NARF: variants seen among roughly 807,000 people sequenced by gnomAD.
The protein encoded by NARF is nuclear prelamin A recognition factor.
NARF carries 41 observed loss-of-function variants against 48.0 expected under a neutral mutation model. That is an observed-to-expected ratio of 0.85 (90% CI 0.66 to 1.11). The LOEUF is 1.11. NARF is among the 50% of genes least tolerant of loss of function. The pLI, the probability that NARF is intolerant of heterozygous loss-of-function variation, is 0.00. For synonymous variants in NARF, 215 were observed against 225.5 expected, an observed-to-expected ratio of 0.95 and a Z score of 0.42; for missense variants, 613 against 590.2, an observed-to-expected ratio of 1.04 and a Z score of -0.40.
chr17:82,459,891 G>C (rs186734283), intron 1 of NARF, 101 bp from the exon 2 acceptor site: 1 of 890,988 alleles, frequency 1.1e-6, no homozygotes, highest in African/African-American at 1.7e-5. Flanking sequence ...TAAACTAAAA[G>C]AAAGGATAGA....
intron 4 of NARF, among the ~76,000 whole-genome samples, chr17:82,470,932 G>A (rs1308093083): frequency 1.3e-5 from 2 of 150,958 alleles, no homozygotes; most frequent in African/African-American, 4.9e-5. Context: ...GGAGGCCGAG[G>A]GGGCAGATCA....
intron 4 of NARF, 103 bp from the exon 5 acceptor site, chr17:82,472,461 G>T: frequency 7.4e-7 from 1 of 1,348,634 alleles, no homozygotes; most frequent in Non-Finnish European, 9.9e-7. Context: ...TCTAGCCTGG[G>T]TGACAGAACG....
Position 82,488,258 on chromosome 17 carries a change from A to G in NARF, c.*101A>G, listed in dbSNP as rs2143980386. The stretch of plus-strand genomic sequence containing the variant: ...GTGGAGTATTAAAGACACTTAAGAA[A>G]ACCGCTCAATGGATTACTTTGGTTT... On this transcript the variant is annotated 3_prime_UTR_variant, in exon 11 of 11. Transcript: ENST00000309794. 2 of 1,492,052 alleles carry G rather than the reference A, an allele frequency of 1.3e-6. No homozygotes were observed. Among genetic ancestry groups the G allele is most frequent in the East Asian group, 4.7e-5 (2 of 42,778 alleles). The allele number at this position is 1,492,052 out of a possible 1,614,324, so 92.4% of individuals were successfully genotyped here. A position where few individuals can be genotyped will look rare whatever the true frequency, so the allele number is the denominator to read the frequency against.
Position 82,488,030 on chromosome 17 carries a change from G to A in NARF, c.1244G>A (p.Ser415Asn), listed in dbSNP as rs1242871706. ...ATCCCTGTGCGGCGTCCGGAGTCCAGTGCACACGTGCAGGAGCTGTACCAG... is the reference window on the plus strand; with the variant it reads ...ATCCCTGTGCGGCGTCCGGAGTCCAATGCACACGTGCAGGAGCTGTACCAG... Reference protein sequence around the residue: ...ADIPVRRPESSAHVQELYQEW... With the variant: ...ADIPVRRPESNAHVQELYQEW... Residue 415 changes from serine to asparagine, a missense_variant, in exon 11 of 11, where the codon AGT becomes AAT. Coordinates refer to ENST00000309794, the MANE Select transcript of NARF (RefSeq NM_012336.4). 4 of 1,614,084 alleles carry A rather than the reference G, an allele frequency of 2.5e-6. No individual in the cohort carries two copies. The highest frequency in any genetic ancestry group is 3.4e-6 in the Non-Finnish European group (4 of 1,180,050).
intron 10 of NARF, among the ~76,000 whole-genome samples, chr17:82,487,334 A>T (rs1365840837): frequency 6.6e-6 from 1 of 151,406 alleles, no homozygotes; most frequent in African/African-American, 2.4e-5. Context: ...AAATACAAAA[A>T]TTAGCCGGGC....
intron 5 of NARF, among the ~76,000 whole-genome samples, chr17:82,475,739 G>T (rs2043818237): frequency 6.6e-6 from 1 of 152,168 alleles, no homozygotes; most frequent in South Asian, 2.1e-4. Flanking sequence ...ACCTCTCAGG[G>T]CCCCTACCTA....
intron 1 of NARF, 125 bp from the exon 2 acceptor site, chr17:82,459,867 A>G (rs1292720390): frequency 8.9e-6 from 6 of 677,432 alleles, no homozygotes; most frequent in Non-Finnish European, 1.3e-5. Flanking sequence ...ACTCCGTCTA[A>G]AAAAATAAAT....
intron 7 of NARF, among the ~76,000 whole-genome samples, chr17:82,481,435 A>C (rs1261194212): frequency 1.3e-5 from 2 of 152,088 alleles, no homozygotes; most frequent in Non-Finnish European, 2.9e-5. Flanking sequence ...CTTCCTCAAG[A>C]TAAATCAGGT....
Position 82,460,042 on chromosome 17 carries a change from T to G in NARF, c.78T>G (p.Asp26Glu), listed in dbSNP as rs1452876096. 1 of 1,613,962 alleles carries G rather than the reference T, an allele frequency of 6.2e-7. No homozygotes were observed. Among genetic ancestry groups the G allele is most frequent in the East Asian group, 2.2e-5 (1 of 44,898 alleles). The change falls in exon 2 of 11, where the codon GAT becomes GAG. Residue 26 changes from aspartate (D) to glutamate (E), a missense_variant. Asp to Glu is a conservative substitution (Grantham distance 45, BLOSUM62 2). Coordinates refer to ENST00000309794, the MANE Select transcript of NARF (RefSeq NM_012336.4). Reference sequence around the variant, plus strand: ...ATGACCAAGAGAATGTGTCAGCCGATGCACCGAGTCCAGCCCAGGAAAATG... The same window carrying G: ...ATGACCAAGAGAATGTGTCAGCCGAGGCACCGAGTCCAGCCCAGGAAAATG... ...KTDDQENVSA[D>E]APSPAQENGE...
intron 4 of NARF, among the ~76,000 whole-genome samples, chr17:82,470,652 G>T (rs866024364): frequency 6.6e-6 from 1 of 151,556 alleles, no homozygotes; most frequent in Non-Finnish European, 1.5e-5. Flanking sequence ...CCGCCACCAC[G>T]CCCGGCTAAT....
intron 7 of NARF, 183 bp from the exon 8 acceptor site, chr17:82,483,533 C>A: frequency 1.7e-6 from 1 of 574,378 alleles, no homozygotes; most frequent in East Asian, 3.0e-5. Context: ...ATTCTGCTTA[C>A]GTTTTATTAG....
At position 82,488,164 on chromosome 17, in the gene NARF, G is replaced by A. The variant is rs1367372548; in HGVS notation, c.*7G>A. 6.2e-7 allele frequency: 1 copy of A among 1,610,964 alleles called. No individual in the cohort carries two copies. Among genetic ancestry groups the A allele is most frequent in the African/African-American group, 1.3e-5 (1 of 74,872 alleles). On this transcript the variant is annotated 3_prime_UTR_variant, in exon 11 of 11. Coordinates refer to ENST00000309794, the MANE Select transcript of NARF (RefSeq NM_012336.4). ...CCTGGACATCAAGTGGTGAAGTCAG[G>A]CCAGGGCCTTCCAGCTGCTCTTGGG...
chr17:82,484,939 C>CTG lies in NARF; in HGVS notation c.960_961insTG (p.Arg321CysfsTer4), dbSNP rs775575769. 6.2e-7 allele frequency: 1 copy of CTG among 1,608,836 alleles called. No individual in the cohort carries two copies. Among genetic ancestry groups the CTG allele is most frequent in the East Asian group, 2.2e-5 (1 of 44,754 alleles). On this transcript the variant is annotated frameshift_variant, in exon 9 of 11. Coordinates refer to ENST00000309794, the MANE Select transcript of NARF (RefSeq NM_012336.4). LOFTEE classifies it high-confidence loss of function. ...ACGAGGATGTGGAGGAGGTCACTTACCGAGCCCTGAGGTGTGGGGCAGTAT... is the reference window on the plus strand; with the variant it reads ...ACGAGGATGTGGAGGAGGTCACTTACTGCGAGCCCTGAGGTGTGGGGCAGTAT...
At chr17:82,480,334 G>A (rs917197371) in intron 6 of NARF, 2 of 400,352 alleles carry the variant, frequency 5.0e-6, no homozygotes, top group Non-Finnish European at 8.8e-6. Flanking sequence ...TCCTGCAATG[G>A]CTCCATGCTG....
At chr17:82,459,079 A>C (rs2043361716) in intron 1 of NARF, 1 of 1,197,958 alleles carries the variant, frequency 8.3e-7, no homozygotes, top group Non-Finnish European at 1.0e-6. Flanking sequence ...CGAAGCGCGG[A>C]AACGCACGGA....
chr17:82,460,438 C>T (rs191117781), intron 2 of NARF: 9 of 163,724 alleles, frequency 5.5e-5, no homozygotes, highest in Non-Finnish European at 1.2e-4. Flanking sequence ...GTACTTCAGC[C>T]TGGGCAACAG....
At chr17:82,487,483 C>T (rs553301247) in intron 10 of NARF, among the ~76,000 whole-genome samples, 8 of 125,792 alleles carry the variant, frequency 6.4e-5, no homozygotes, top group Non-Finnish European at 8.4e-5. Context: ...GACTCTGTCT[C>T]GAAAAAAAAA....
chr17:82,478,209 G>T (rs2043877823), intron 5 of NARF, among the ~76,000 whole-genome samples: 1 of 152,216 alleles, frequency 6.6e-6, no homozygotes, highest in Admixed American at 6.5e-5. Context: ...GGTGACTTGT[G>T]TTCACCCTGG....
rs144947306 is a variant in NARF at position 82,480,982 on chromosome 17, C to A, written c.640-100C>A. ...GCATGCAGTGTCTGGAGGGCAGCAG[C>A]AGGGGGCATTCGGTCTCCCATCCCT... On this transcript the variant is annotated intron_variant, in intron 6 of 10. Coordinates refer to ENST00000309794, the MANE Select transcript of NARF (RefSeq NM_012336.4). 10,446 of 1,449,462 alleles carry A rather than the reference C, an allele frequency of 7.2e-3. 68 individuals are homozygous for A. Among genetic ancestry groups the A allele is most frequent in the Middle Eastern group, 0.019 (94 of 5,050 alleles). 89.8% of individuals were successfully genotyped at this position (1,449,462 alleles called of 1,614,324 possible). A position where few individuals can be genotyped will look rare whatever the true frequency, so the allele number is the denominator to read the frequency against.
Sources: gnomAD v4.1 joint callset for allele counts (sites outside exome capture counted in the v4.1 genomes callset) on GRCh38, gnomAD v4.1.1 for gene constraint, MANE v1.5 for transcripts, NCBI Gene and HGNC (gene_info 2026-07-23, HGNC 2026-07-21) for gene names.